The following ATP11C variants were observed in gnomAD, a reference collection of about 807,000 sequenced individuals.
ATP11C encodes ATPase phospholipid transporting 11C (ATP11C blood group).
A neutral mutation model predicts 97.4 loss-of-function variants in ATP11C; 36 were observed. The observed-to-expected ratio is 0.37, with a 90% confidence interval of 0.28 to 0.49. The LOEUF is 0.49. ATP11C is among the 20% of genes least tolerant of loss of function. ATP11C has a pLI of 0.98. For synonymous variants in ATP11C, 275 were observed against 290.9 expected (o/e 0.95, Z 0.56); for missense variants, 730 against 824.6 (o/e 0.89, Z 1.40).
chrX:139,853,257 C>T (rs1418867395), intron 1 of ATP11C, among the ~76,000 whole-genome samples: 1 of 108,833 alleles, frequency 9.2e-6, no homozygotes, highest in Non-Finnish European at 1.9e-5. Flanking sequence ...CTGGCAGAGG[C>T]AAGGAAAGAC....
chrX:139,839,581 G>C (rs2083797774), intron 1 of ATP11C, among the ~76,000 whole-genome samples: 1 of 110,762 alleles, frequency 9.0e-6, no homozygotes, highest in Admixed American at 9.6e-5. Flanking sequence ...GGGAGACCGG[G>C]CATTCATCAA....
Position 139,905,607 on chromosome X carries a change from G to C in ATP11C, c.27+26409C>G, listed in dbSNP as rs923862711. Among the ~76,000 whole-genome samples, 3 of 111,681 alleles carry C rather than the reference G, an allele frequency of 2.7e-5. No homozygotes were observed. In the Admixed American group the frequency reaches 2.9e-4, roughly 11 times the overall value. ...GATGTTGTAAGTAGGAAGGGGATTA[G>C]AGAAAAAATAGGCAGAAAATTATTT... is the stretch of plus-strand genomic sequence containing the variant. On this transcript the variant is annotated intron_variant, in intron 1 of 29. Transcript: ENST00000682941.
At position 139,855,214 on chromosome X, in the gene ATP11C, CAGTA is replaced by C. The variant is rs372661016; in HGVS notation, c.28-28395_28-28392del. The stretch of plus-strand genomic sequence containing the variant: ...AAAATAGGTGCTACAGGAAATTTCT[CAGTA>C]AGAAGGCACCAAGGACTATAAAGTC... On this transcript the variant is annotated intron_variant, in intron 1 of 29. Transcript: ENST00000682941. 5.5e-3 allele frequency among the ~76,000 whole-genome samples: 612 copies of C among 111,810 alleles called. 10 individuals carry two copies. The highest frequency in any genetic ancestry group is 0.018 in the African/African-American group (560 of 30,775).
At chrX:139,825,177 A>G (rs1335331165) in intron 2 of ATP11C, among the ~76,000 whole-genome samples, 21 of 111,374 alleles carry the variant, frequency 1.9e-4, no homozygotes, top group African/African-American at 6.9e-4. Context: ...CATGCCAAGC[A>G]CAATGCAAGA....
At position 139,932,008 on chromosome X, in the gene ATP11C, G is replaced by T; in HGVS notation, c.27+8C>A. ...CGGCACGCGCGGAGCCGCAGCGAGT[G>T]TACTTACAAAACGATTCAAGCTCCG... On this transcript the variant is annotated splice_region_variant and intron_variant, in intron 1 of 29. Coordinates refer to ENST00000682941, the MANE Select transcript of ATP11C (RefSeq NM_001353812.2). The T allele has an allele frequency of 8.6e-7, 1 of 1,165,464 alleles. No homozygotes were observed. Among genetic ancestry groups the T allele is most frequent in the East Asian group, 3.3e-5 (1 of 30,751 alleles).
intron 19 of ATP11C, among the ~76,000 whole-genome samples, chrX:139,774,240 G>A (rs1482786878): frequency 2.7e-5 from 3 of 111,928 alleles, no homozygotes; most frequent in Non-Finnish European, 3.8e-5. Context: ...AAGTGGCCAC[G>A]TTAACAAGTA....
intron 19 of ATP11C, among the ~76,000 whole-genome samples, chrX:139,769,093 G>C (rs1370453970): frequency 1.9e-5 from 2 of 105,501 alleles, no homozygotes; most frequent in African/African-American, 6.9e-5. Context: ...GTTGAACTTT[G>C]ACTAATATAA....
intron 1 of ATP11C, among the ~76,000 whole-genome samples, chrX:139,912,809 G>C (rs185246318): frequency 9.0e-6 from 1 of 111,497 alleles, no homozygotes; most frequent in African/African-American, 3.3e-5. Flanking sequence ...ATTTTTACAG[G>C]AATATTTTAA....
intron 1 of ATP11C, among the ~76,000 whole-genome samples, chrX:139,892,624 A>C (rs1258112181): frequency 8.9e-6 from 1 of 112,151 alleles, no homozygotes; most frequent in Non-Finnish European, 1.9e-5. Flanking sequence ...GGGGATAAAC[A>C]GAGTAAGGAC....
At chrX:139,752,418 A>T (rs2081839924) in intron 23 of ATP11C, among the ~76,000 whole-genome samples, 1 of 111,819 alleles carries the variant, frequency 8.9e-6, no homozygotes, top group African/African-American at 3.3e-5. Context: ...GAATGAACCT[A>T]CCAGTTGAGC....
At chrX:139,886,514 T>C (rs1388156211) in intron 1 of ATP11C, among the ~76,000 whole-genome samples, 1 of 106,672 alleles carries the variant, frequency 9.4e-6, no homozygotes, top group African/African-American at 3.5e-5. Context: ...GCTTGATTGC[T>C]TGAACCCGGG....
intron 1 of ATP11C, among the ~76,000 whole-genome samples, chrX:139,926,914 A>G (rs1291106976): frequency 8.9e-6 from 1 of 112,251 alleles, no homozygotes; most frequent in Non-Finnish European, 1.9e-5. Context: ...CCTAGCATCT[A>G]TTTGCAAAAG....
chrX:139,751,008 T>C (rs1603342232), intron 23 of ATP11C, among the ~76,000 whole-genome samples: 1 of 112,322 alleles, frequency 8.9e-6, no homozygotes, highest in East Asian at 2.8e-4. Context: ...TTCCCCATAC[T>C]CATATGTATT....
At chrX:139,863,124 A>G (rs1231442932) in intron 1 of ATP11C, among the ~76,000 whole-genome samples, 1 of 112,278 alleles carries the variant, frequency 8.9e-6, no homozygotes, top group Non-Finnish European at 1.9e-5. Context: ...TGACTTGTTC[A>G]GGGAAAAGAA....
intron 1 of ATP11C, among the ~76,000 whole-genome samples, chrX:139,870,123 A>G (rs1275999182): frequency 1.8e-5 from 2 of 111,628 alleles, no homozygotes; most frequent in Non-Finnish European, 3.8e-5. Context: ...TATGTTTATT[A>G]CTTTAGTTGT....
chrX:139,785,976 C>A (rs1320187214), intron 15 of ATP11C, among the ~76,000 whole-genome samples: 2 of 110,767 alleles, frequency 1.8e-5, no homozygotes, highest in Non-Finnish European at 3.8e-5. Context: ...AAGTAGTTCA[C>A]CAATGCCCAA....
At chrX:139,771,274 G>T (rs1569446913) in intron 19 of ATP11C, among the ~76,000 whole-genome samples, 1 of 111,676 alleles carries the variant, frequency 9.0e-6, no homozygotes, top group Non-Finnish European at 1.9e-5. Flanking sequence ...AGCCATGTAA[G>T]AAGTGCCTTT....
At chrX:139,897,808 C>A (rs1216227540) in intron 1 of ATP11C, among the ~76,000 whole-genome samples, 3 of 110,532 alleles carry the variant, frequency 2.7e-5, no homozygotes, top group Non-Finnish European at 5.7e-5. Context: ...TGGCACGTGA[C>A]TGTAGTCCCA....
rs2085465278 is a variant in ATP11C, at chrX:139,932,859, C to G, written c.-817G>C. On this transcript the variant is annotated 5_prime_UTR_variant, in exon 1 of 30. Transcript: ENST00000682941. ...AGACCCCAGCGCGGGAGGGGCGGGG[C>G]GGGGTGCGAGGGGGGACTAGTTCTG... The G allele has an allele frequency of 9.0e-6, 1 of 111,113 alleles. No individual in the cohort carries two copies. The highest frequency in any genetic ancestry group is 3.7e-4 in the South Asian group (1 of 2,676). The allele number at this position is 111,113 out of a possible 1,213,427, so 9.2% of individuals were successfully genotyped here. A position where few individuals can be genotyped will look rare whatever the true frequency, so the allele number is the denominator to read the frequency against.
Sources: allele counts gnomAD v4.1 joint callset (sites outside exome capture counted in the v4.1 genomes callset), GRCh38; gene constraint gnomAD v4.1.1; transcripts MANE v1.5; gene names NCBI Gene and HGNC (gene_info 2026-07-23, HGNC 2026-07-21).